Variants in EXOC4 observed in about 807,000 individuals in gnomAD.
EXOC4 encodes the protein exocyst complex component 4, also known as SEC8-like 1.
EXOC4 carries 71 observed loss-of-function variants against 107.2 expected under a neutral mutation model. The ratio of observed to expected loss-of-function variants is 0.66; its 90% CI spans 0.55 to 0.81. EXOC4 has a LOEUF of 0.81. Among genes scored for constraint, EXOC4 ranks in the 30% least tolerant of loss-of-function variants. The pLI is 0.00. For missense variants in EXOC4, 1,108 were observed against 1,189.6 expected, an observed-to-expected ratio of 0.93 and a Z score of 1.01; for synonymous variants, 456 against 441.2, an observed-to-expected ratio of 1.03 and a Z score of -0.42.
intron 5 of EXOC4, among the ~76,000 whole-genome samples, chr7:133,325,007 G>A (rs1795204698): frequency 6.6e-6 from 1 of 152,158 alleles, no homozygotes; most frequent in African/African-American, 2.4e-5. Context: ...TTTAAAGTCT[G>A]TTTTATCAGA....
intron 11 of EXOC4, among the ~76,000 whole-genome samples, chr7:133,839,220 G>T (rs376580291): frequency 2.6e-5 from 4 of 152,230 alleles, no homozygotes; most frequent in African/African-American, 9.6e-5. Context: ...GTTTATACTT[G>T]TATATTGCTG....
At chr7:134,003,100 G>T (rs997450605) in intron 15 of EXOC4, among the ~76,000 whole-genome samples, 3 of 152,190 alleles carry the variant, frequency 2.0e-5, no homozygotes, top group Admixed American at 6.5e-5. Flanking sequence ...ATAATCTGTG[G>T]GACATCCAAT....
chr7:133,676,513 C>CT (rs1303551890), intron 10 of EXOC4, among the ~76,000 whole-genome samples: 1 of 152,096 alleles, frequency 6.6e-6, no homozygotes, highest in Non-Finnish European at 1.5e-5. Context: ...TTCTGTGAGT[C>CT]TTTTCTAGTT....
At chr7:133,823,484 C>T (rs192850153) in intron 11 of EXOC4, among the ~76,000 whole-genome samples, 3 of 152,036 alleles carry the variant, frequency 2.0e-5, no homozygotes, top group South Asian at 2.1e-4. Flanking sequence ...TCTACTCCAT[C>T]GTATCAGTTA....
intron 2 of EXOC4, among the ~76,000 whole-genome samples, chr7:133,287,822 C>T (rs1035743049): frequency 2.0e-5 from 3 of 152,242 alleles, no homozygotes; most frequent in East Asian, 1.9e-4. Context: ...TTGTAATCAC[C>T]GGAGGCATAG....
At chr7:133,665,992 T>C (rs1208497479) in intron 10 of EXOC4, among the ~76,000 whole-genome samples, 1 of 152,206 alleles carries the variant, frequency 6.6e-6, no homozygotes, top group Admixed American at 6.5e-5. Flanking sequence ...TTAAAACATT[T>C]CTTTTCTTAT....
At chr7:133,322,734 G>GT (rs1341791705) in intron 5 of EXOC4, among the ~76,000 whole-genome samples, 4 of 152,092 alleles carry the variant, frequency 2.6e-5, no homozygotes, top group South Asian at 2.1e-4. Flanking sequence ...ATTTAAAGTA[G>GT]TTTTTTTCCA....
At chr7:133,762,619 C>T (rs1796055681) in intron 10 of EXOC4, among the ~76,000 whole-genome samples, 1 of 151,868 alleles carries the variant, frequency 6.6e-6, no homozygotes, top group South Asian at 2.1e-4. Context: ...TTTATAACAG[C>T]AGAAAATGGA....
chr7:133,962,400 T>C (rs1193427060), intron 14 of EXOC4, among the ~76,000 whole-genome samples: 1 of 152,192 alleles, frequency 6.6e-6, no homozygotes, highest in African/African-American at 2.4e-5. Context: ...GTCCTGCCTA[T>C]GTTTGTTACT....
intron 10 of EXOC4, among the ~76,000 whole-genome samples, chr7:133,727,942 A>C (rs1795249781): frequency 1.3e-5 from 2 of 152,206 alleles, no homozygotes; most frequent in African/African-American, 2.4e-5. Flanking sequence ...TTTTAAGTTA[A>C]TTACAGTTGA....
At chr7:133,795,740 A>G (rs1243858875) in intron 10 of EXOC4, among the ~76,000 whole-genome samples, 1 of 152,204 alleles carries the variant, frequency 6.6e-6, no homozygotes, top group East Asian at 1.9e-4. Context: ...TATGTGACAA[A>G]GTTATTCAGG....
intron 7 of EXOC4, among the ~76,000 whole-genome samples, chr7:133,451,511 A>AG (rs1798347525): frequency 6.6e-6 from 1 of 152,046 alleles, no homozygotes; most frequent in African/African-American, 2.4e-5. Context: ...TTAATATGAG[A>AG]AAATTATTTC....
intron 17 of EXOC4, 91 bp from the exon 18 acceptor site, chr7:134,064,200 G>T: frequency 1.3e-6 from 1 of 771,342 alleles, no homozygotes; most frequent in South Asian, 3.0e-5. Flanking sequence ...GAAGTAAGTA[G>T]AGGAATCAAT....
chr7:133,592,688 C>T (rs1346098257), intron 9 of EXOC4, among the ~76,000 whole-genome samples: 1 of 152,062 alleles, frequency 6.6e-6, no homozygotes, highest in African/African-American at 2.4e-5. Flanking sequence ...CTGCAACCTC[C>T]GACTCCTGGG....
At chr7:133,335,752 C>CT (rs1333878413) in intron 5 of EXOC4, among the ~76,000 whole-genome samples, 1 of 152,184 alleles carries the variant, frequency 6.6e-6, no homozygotes, top group African/African-American at 2.4e-5. Context: ...TTCTGGGGAT[C>CT]TGCCATGCTG....
At chr7:133,330,799 C>G (rs949369540) in intron 5 of EXOC4, among the ~76,000 whole-genome samples, 1 of 152,012 alleles carries the variant, frequency 6.6e-6, no homozygotes, top group Non-Finnish European at 1.5e-5. Context: ...CCAACCAGTC[C>G]CAGTGAGATG....
chr7:134,002,293 A>C (rs988621798), intron 15 of EXOC4, among the ~76,000 whole-genome samples: 4 of 152,202 alleles, frequency 2.6e-5, no homozygotes, highest in Middle Eastern at 3.2e-3. Flanking sequence ...ACTGCTTATA[A>C]GAATATGACA....
chr7:133,476,467 AG>A (rs1312804754), intron 8 of EXOC4, among the ~76,000 whole-genome samples: 1 of 152,188 alleles, frequency 6.6e-6, no homozygotes, highest in Non-Finnish European at 1.5e-5. Context: ...GAAGTATCCC[AG>A]TATATTGAAT....
intron 10 of EXOC4, among the ~76,000 whole-genome samples, chr7:133,780,143 T>C (rs1796432878): frequency 6.6e-6 from 1 of 152,066 alleles, no homozygotes; most frequent in Non-Finnish European, 1.5e-5. Context: ...AAACTAGTGG[T>C]CACTAATAGT....
Sources: allele counts gnomAD v4.1 joint callset (sites outside exome capture counted in the v4.1 genomes callset), GRCh38; gene constraint gnomAD v4.1.1; transcripts MANE v1.5; gene names NCBI Gene and HGNC (gene_info 2026-07-23, HGNC 2026-07-21).